The following GPR139 variants were observed in gnomAD, a reference collection of about 807,000 sequenced individuals.
GPR139 encodes G protein-coupled receptor 139.
Under a neutral mutation model 25.8 loss-of-function variants are expected in GPR139, and 12 were observed. The observed-to-expected ratio is 0.47, with a 90% confidence interval of 0.30 to 0.75. GPR139 has a LOEUF of 0.75. GPR139 is among the 30% of genes least tolerant of loss of function. The pLI, the probability that GPR139 is intolerant of heterozygous loss-of-function variation, is 0.07. For missense variants in GPR139, 380 were observed against 450.2 expected, an observed-to-expected ratio of 0.84 and a Z score of 1.41; for synonymous variants, 184 against 179.9, an observed-to-expected ratio of 1.02 and a Z score of -0.18.
intron 1 of GPR139, among the ~76,000 whole-genome samples, chr16:20,037,962 G>A (rs1181553667): frequency 6.6e-6 from 1 of 152,154 alleles, no homozygotes; most frequent in East Asian, 1.9e-4. Flanking sequence ...CCAGGTTCAA[G>A]CAATTCTCTT....
At chr16:20,065,497 G>C (rs1057066205) in intron 1 of GPR139, among the ~76,000 whole-genome samples, 2 of 152,162 alleles carry the variant, frequency 1.3e-5, no homozygotes, top group Admixed American at 6.5e-5. Context: ...TTTCTTCACT[G>C]TGTGACCTTG....
At chr16:20,052,858 A>T (rs1235183104) in intron 1 of GPR139, among the ~76,000 whole-genome samples, 2 of 151,890 alleles carry the variant, frequency 1.3e-5, no homozygotes, top group Admixed American at 6.6e-5. Context: ...AAGTGTTTTT[A>T]AAAATTATTA....
chr16:20,071,219 A>C (rs1263497592), intron 1 of GPR139, among the ~76,000 whole-genome samples: 1 of 152,232 alleles, frequency 6.6e-6, no homozygotes, highest in African/African-American at 2.4e-5. Context: ...CCCCAGCAGA[A>C]TCTGGATTAA....
intron 1 of GPR139, among the ~76,000 whole-genome samples, chr16:20,047,142 G>A (rs768153333): frequency 6.7e-5 from 10 of 150,324 alleles, no homozygotes; most frequent in Non-Finnish European, 1.3e-4. Flanking sequence ...GTGGAGTCTC[G>A]CTTTTTCGCC....
intron 1 of GPR139, among the ~76,000 whole-genome samples, chr16:20,034,600 T>C (rs1168273270): frequency 2.6e-5 from 4 of 152,142 alleles, no homozygotes; most frequent in Admixed American, 2.6e-4. Flanking sequence ...TATTCACAGA[T>C]GCAATCATGG....
intron 1 of GPR139, among the ~76,000 whole-genome samples, chr16:20,051,146 A>G (rs1314362396): frequency 2.0e-5 from 3 of 152,216 alleles, no homozygotes; most frequent in Non-Finnish European, 2.9e-5. Context: ...GACATCCCTG[A>G]AGGGACACAA....
chr16:20,049,725 T>C (rs1418356692), intron 1 of GPR139, among the ~76,000 whole-genome samples: 1 of 152,226 alleles, frequency 6.6e-6, no homozygotes, highest in Non-Finnish European at 1.5e-5. Flanking sequence ...TTCCTAGTCT[T>C]GTGACTGTGG....
At chr16:20,070,577 G>A (rs1263377092) in intron 1 of GPR139, among the ~76,000 whole-genome samples, 23 of 152,204 alleles carry the variant, frequency 1.5e-4, no homozygotes, top group Admixed American at 1.2e-3. Flanking sequence ...CCTAGAGACC[G>A]AAGGTAGTCA....
In GPR139 at chr16:20,073,180, T is replaced by G. The variant is rs1270815212; in HGVS notation, c.127+310A>C. 7.6e-6 allele frequency among the ~76,000 whole-genome samples: 1 copy of G among 131,744 alleles called. No individual in the cohort carries two copies. The highest frequency in any genetic ancestry group is 1.6e-5 in the Non-Finnish European group (1 of 61,170). The allele number at this position is 131,744 out of a possible 152,430, so 86.4% of individuals were successfully genotyped here. A position where few individuals can be genotyped will look rare whatever the true frequency, so the allele number is the denominator to read the frequency against. ...CCCCCACCCCATGAAAGCCGCCCCC[T>G]CCAGATGCGCGCACAAATGCACCTT... On this transcript the variant is annotated intron_variant, in intron 1 of 1. Transcript: ENST00000570682. The surrounding 1 kb of genome is among the most constrained non-coding windows in gnomAD (Gnocchi z 4.7).
In GPR139 at chr16:20,073,382, T is replaced by C. The variant is rs2057467487; in HGVS notation, c.127+108A>G. On this transcript the variant is annotated intron_variant, in intron 1 of 1. Transcript: ENST00000570682. This position sits in a 1 kb window ranked among gnomAD's most constrained non-coding sequence, Gnocchi z 4.7. Reference sequence around the variant, plus strand: ...ATAGTTGCCCTTAAAGCTTAAACTTTTTCCGAGGGGGCGCCAGGGAACGCA... The same window carrying C: ...ATAGTTGCCCTTAAAGCTTAAACTTCTTCCGAGGGGGCGCCAGGGAACGCA... 2 of 1,506,356 alleles carry C rather than the reference T, an allele frequency of 1.3e-6. No individual in the cohort carries two copies. The highest frequency in any genetic ancestry group is 1.4e-5 in the African/African-American group (1 of 71,964). 93.3% of individuals were successfully genotyped at this position (1,506,356 alleles called of 1,614,324 possible). A position where few individuals can be genotyped will look rare whatever the true frequency, so the allele number is the denominator to read the frequency against.
chr16:20,052,625 G>A (rs758772678), intron 1 of GPR139, among the ~76,000 whole-genome samples: 9 of 152,054 alleles, frequency 5.9e-5, no homozygotes, highest in Non-Finnish European at 1.2e-4. Flanking sequence ...GTGAAACCCC[G>A]CCTCTCCTAA....
intron 1 of GPR139, among the ~76,000 whole-genome samples, chr16:20,050,211 A>G (rs1044140284): frequency 6.6e-6 from 1 of 152,194 alleles, no homozygotes; most frequent in African/African-American, 2.4e-5. Context: ...AGAAAGCAGC[A>G]TGTGTGCAGT....
chr16:20,073,679 G>C lies in GPR139; in HGVS notation c.-63C>G. On this transcript the variant is annotated 5_prime_UTR_variant, in exon 1 of 2. Coordinates refer to ENST00000570682, the MANE Select transcript of GPR139 (RefSeq NM_001002911.4). This position sits in a 1 kb window ranked among gnomAD's most constrained non-coding sequence, Gnocchi z 4.7. ...GCCTGCCAGCCCGACTCTGGTCGCC[G>C]GCTCGGTGGTGGCGGCGGCGGAGGC... is the stretch of plus-strand genomic sequence containing the variant. The C allele has an allele frequency of 6.7e-7, 1 of 1,485,982 alleles. No homozygotes were observed. The highest frequency in any genetic ancestry group is 8.9e-7 in the Non-Finnish European group (1 of 1,120,654). The allele number at this position is 1,485,982 out of a possible 1,614,324, so 92.0% of individuals were successfully genotyped here. A position where few individuals can be genotyped will look rare whatever the true frequency, so the allele number is the denominator to read the frequency against.
At position 20,032,122 on chromosome 16, in the gene GPR139, C is replaced by G; in HGVS notation, c.675G>C (p.Lys225Asn). The G allele has an allele frequency of 6.2e-7, 1 of 1,614,186 alleles. No individual in the cohort carries two copies. The change falls in exon 2 of 2, where the codon AAG becomes AAC. Residue 225 changes from lysine (K) to asparagine (N), a missense_variant. Lys to Asn is a moderately conservative substitution (Grantham distance 94). Transcript: ENST00000570682. ...NFRLRGYSTGKTTAILFTITS... is the reference protein window; with the variant it reads ...NFRLRGYSTGNTTAILFTITS... Reference sequence around the variant, plus strand: ...TAATGGTGAACAAGATGGCGGTGGTCTTCCCCGTGGAGTAGCCACGGAGAC... The same window carrying G: ...TAATGGTGAACAAGATGGCGGTGGTGTTCCCCGTGGAGTAGCCACGGAGAC...
chr16:20,071,406 G>A (rs111464421), intron 1 of GPR139, among the ~76,000 whole-genome samples: 1,645 of 152,268 alleles, frequency 0.011, 39 homozygotes, highest in African/African-American at 0.036. Flanking sequence ...TGGTCCTTAC[G>A]CATCCATCTG....
rs2057276584 is a variant in GPR139 at position 20,028,768 on chromosome 16, T to A, written c.*2967A>T. On this transcript the variant is annotated 3_prime_UTR_variant, in exon 2 of 2. Transcript: ENST00000570682. ...CACAGCATGGTGGTGCGTATCATCA[T>A]TGCAATGTCCAACCAAGGACACAAA... 6.6e-6 allele frequency among the ~76,000 whole-genome samples: 1 copy of A among 152,198 alleles called. No homozygotes were observed. The highest frequency in any genetic ancestry group is 2.1e-4 in the South Asian group (1 of 4,826).
Position 20,037,653 on chromosome 16 carries a change from A to C in GPR139, c.128-4984T>G, listed in dbSNP as rs367707200. On this transcript the variant is annotated intron_variant, in intron 1 of 1. Coordinates refer to ENST00000570682, the MANE Select transcript of GPR139 (RefSeq NM_001002911.4). ...TGAGGAAACCAAGGCTTGGATTTTT[A>C]GATAATTTGCTCAAAGTCACAAACA... is the stretch of plus-strand genomic sequence containing the variant. Among the ~76,000 whole-genome samples the C allele has an allele frequency of 4.6e-5, 7 of 152,266 alleles. No individual in the cohort carries two copies. The East Asian group carries it at 1.4e-3, about 29-fold the overall frequency.
intron 1 of GPR139, among the ~76,000 whole-genome samples, chr16:20,054,368 A>C (rs1184705345): frequency 6.6e-6 from 1 of 152,086 alleles, no homozygotes; most frequent in Non-Finnish European, 1.5e-5. Flanking sequence ...TGGGAAACTA[A>C]AATAAGAGGT....
intron 1 of GPR139, among the ~76,000 whole-genome samples, chr16:20,050,795 C>T (rs1221131223): frequency 6.6e-6 from 1 of 152,202 alleles, no homozygotes; most frequent in South Asian, 2.1e-4. Context: ...AGTGCAGTGG[C>T]TCATGCCTGT....
Sources: gnomAD v4.1 joint callset for allele counts (sites outside exome capture counted in the v4.1 genomes callset) on GRCh38, gnomAD v4.1.1 for gene constraint, Gnocchi (gnomAD v3.1) non-coding constraint, MANE v1.5 for transcripts, NCBI Gene and HGNC (gene_info 2026-07-23, HGNC 2026-07-21) for gene names.